PDZD9: variants seen among roughly 807,000 people sequenced by gnomAD.
PDZD9 encodes the protein PDZ domain-containing protein 9.
A neutral mutation model predicts 16.3 loss-of-function variants in PDZD9; 13 were observed. The observed-to-expected ratio is 0.80, with a 90% confidence interval of 0.52 to 1.27. The LOEUF (loss-of-function observed/expected upper bound fraction) is 1.27, where lower values mean the gene tolerates loss of function less well. Ranked by LOEUF, PDZD9 falls within the 50% of genes most tolerant of loss-of-function variation. The pLI is 0.00. For synonymous variants in PDZD9, 120 were observed against 111.0 expected (o/e 1.08, Z -0.51); for missense variants, 288 against 310.9 (o/e 0.93, Z 0.55).
the PDZD9 span, among the ~76,000 whole-genome samples, chr16:21,961,661 TATATATA>T: frequency 2.2e-4 from 22 of 102,152 alleles, no homozygotes; most frequent in Admixed American, 2.0e-4. Context: ...TATATATATA[TATATATA>T]TTTTAGACAG....
the PDZD9 span, among the ~76,000 whole-genome samples, chr16:21,978,130 G>A: frequency 6.6e-6 from 1 of 152,154 alleles, no homozygotes. Context: ...GTCAAAGTAT[G>A]TTTTCTGCCA....
chr16:21,984,497 A>T lies in PDZD9; in HGVS notation c.565T>A (p.Tyr189Asn), dbSNP rs1481567290. 2 of 1,609,824 alleles carry T rather than the reference A, an allele frequency of 1.2e-6. No homozygotes were observed. The highest frequency in any genetic ancestry group is 1.7e-6 in the Non-Finnish European group (2 of 1,176,354). The change falls in exon 4 of 4, where the codon TAT becomes AAT. Residue 189 changes from tyrosine to asparagine, a missense_variant. Tyr to Asn is a moderately radical substitution (Grantham distance 143, BLOSUM62 -2). Coordinates refer to ENST00000424898, the MANE Select transcript of PDZD9 (RefSeq NM_001363519.1). ...PISISRDWHG[Y>N]KKKNHTISVG... Reference sequence around the variant, plus strand: ...CTAATAGTATGGTTCTTCTTCTTATATCCATGCCAGTCTCTGGAGATGGAT... The same window carrying T: ...CTAATAGTATGGTTCTTCTTCTTATTTCCATGCCAGTCTCTGGAGATGGAT...
the PDZD9 span, among the ~76,000 whole-genome samples, chr16:21,959,039 A>C: frequency 6.6e-6 from 1 of 152,218 alleles, no homozygotes; most frequent in Admixed American, 6.5e-5. Flanking sequence ...AGTTATCTGA[A>C]TCTTCAGCAA....
the PDZD9 span, chr16:21,968,747 A>G: frequency 3.4e-6 from 5 of 1,466,928 alleles, no homozygotes; most frequent in Middle Eastern, 1.8e-4. Context: ...CTTAAACTGT[A>G]ATTACGTGAA....
the PDZD9 span, chr16:21,958,458 C>T: frequency 7.8e-7 from 1 of 1,275,532 alleles, no homozygotes; most frequent in East Asian, 2.3e-5. Context: ...CTGCTCACAA[C>T]AGATTTTGAT....
chr16:21,996,520 C>T lies in PDZD9; in HGVS notation c.32-19G>A, dbSNP rs1317725402. ...CCTCTTTCTAACCAAAAGAGGGGAA[C>T]TTATTTCAGTCCTTCACCAAGACAG... On this transcript the variant is annotated intron_variant, in intron 1 of 3. Coordinates refer to ENST00000424898, the MANE Select transcript of PDZD9 (RefSeq NM_001363519.1). 3 of 1,525,952 alleles carry T rather than the reference C, an allele frequency of 2.0e-6. No individual in the cohort carries two copies. The highest frequency in any genetic ancestry group is 2.6e-6 in the Non-Finnish European group (3 of 1,138,998). 94.5% of individuals were successfully genotyped at this position (1,525,952 alleles called of 1,614,324 possible).
downstream of PDZD9, chr16:21,983,031 C>G: frequency 6.5e-6 from 9 of 1,388,950 alleles, no homozygotes; most frequent in Non-Finnish European, 9.1e-6. Flanking sequence ...AGTTCGCCTG[C>G]TTGATGATAT....
At chr16:21,970,018 C>T in the PDZD9 span, among the ~76,000 whole-genome samples, 1 of 152,074 alleles carries the variant, frequency 6.6e-6, no homozygotes, top group African/African-American at 2.4e-5. Flanking sequence ...TACTTTGTCT[C>T]TATAGATTTG....
At chr16:21,973,543 G>A in the PDZD9 span, among the ~76,000 whole-genome samples, 1 of 152,184 alleles carries the variant, frequency 6.6e-6, no homozygotes, top group Non-Finnish European at 1.5e-5. Flanking sequence ...ACAGCAGAGA[G>A]AAGAAACCTG....
At chr16:21,977,677 A>C in the PDZD9 span, among the ~76,000 whole-genome samples, 3 of 152,214 alleles carry the variant, frequency 2.0e-5, no homozygotes, top group Admixed American at 2.0e-4. Context: ...CAGCCGCTTA[A>C]GACATTTAAG....
chr16:21,975,278 A>G, the PDZD9 span, among the ~76,000 whole-genome samples: 1 of 152,202 alleles, frequency 6.6e-6, no homozygotes, highest in African/African-American at 2.4e-5. Flanking sequence ...ATAAATTGAA[A>G]GACTGGACAA....
chr16:21,971,580 T>A, the PDZD9 span: 1 of 1,614,062 alleles, frequency 6.2e-7, no homozygotes, highest in Non-Finnish European at 8.5e-7. Context: ...ACATGAGGGG[T>A]GGGCTTGGTT....
the PDZD9 span, chr16:21,958,706 A>C: frequency 1.1e-6 from 1 of 931,422 alleles, no homozygotes; most frequent in Non-Finnish European, 1.7e-6. Flanking sequence ...AAGCAACATA[A>C]GAAGGAAAAG....
the PDZD9 span, among the ~76,000 whole-genome samples, chr16:21,960,004 A>G: frequency 6.6e-6 from 1 of 152,218 alleles, no homozygotes; most frequent in African/African-American, 2.4e-5. Flanking sequence ...GATTTAGCAT[A>G]ATTCCTAAGG....
At chr16:21,998,959 G>T in intron 1 of PDZD9, 1 of 228,068 alleles carries the variant, frequency 4.4e-6, no homozygotes, top group Non-Finnish European at 1.0e-5. Context: ...CCATCCATGA[G>T]AGCTTCACAG....
Position 21,996,478 on chromosome 16 carries a change from T to G in PDZD9, c.55A>C (p.Lys19Gln). 1 of 1,535,718 alleles carries G rather than the reference T, an allele frequency of 6.5e-7. No homozygotes were observed. Among genetic ancestry groups the G allele is most frequent in the Non-Finnish European group, 8.7e-7 (1 of 1,146,580 alleles). Reference sequence around the variant, plus strand: ...TTGCTCAAGTTGTGTACAGATGTTTTGACCTTGTTGCTGACTCCTCTTTCT... The same window carrying G: ...TTGCTCAAGTTGTGTACAGATGTTTGGACCTTGTTGCTGACTCCTCTTTCT... ...KKERGVSNKV[K>Q]TSVHNLSKTQ... Residue 19 changes from lysine (K) to glutamine (Q), a missense_variant, in exon 2 of 4, where the codon AAA becomes CAA. Physicochemically the swap from Lys to Gln is moderately conservative, Grantham distance 53. Transcript: ENST00000424898.
chr16:21,981,279 A>T (rs766250109), downstream of PDZD9, among the ~76,000 whole-genome samples: 4 of 152,000 alleles, frequency 2.6e-5, no homozygotes, highest in Non-Finnish European at 5.9e-5. Flanking sequence ...GGACTATGTC[A>T]TGTACTTCTT....
the PDZD9 span, among the ~76,000 whole-genome samples, chr16:21,966,616 G>C: frequency 6.6e-6 from 1 of 152,056 alleles, no homozygotes; most frequent in Non-Finnish European, 1.5e-5. Flanking sequence ...TGCTCTTTTT[G>C]ACTTATCAAT....
At chr16:21,967,226 C>T in the PDZD9 span, among the ~76,000 whole-genome samples, 1 of 152,050 alleles carries the variant, frequency 6.6e-6, no homozygotes, top group African/African-American at 2.4e-5. Context: ...AAGGTTACTC[C>T]ATAGGTACAG....
Sources: gnomAD v4.1 joint callset for allele counts (sites outside exome capture counted in the v4.1 genomes callset) on GRCh38, gnomAD v4.1.1 for gene constraint, MANE v1.5 for transcripts, NCBI Gene and HGNC (gene_info 2026-07-23, HGNC 2026-07-21) for gene names.